Variants in MEGF6 observed in about 807,000 individuals in gnomAD.
MEGF6 encodes the protein multiple EGF like domains 6, also known as multiple epidermal growth factor-like domains protein 6.
In MEGF6, 184 loss-of-function variants were observed where a neutral mutation model predicts 207.1. The observed-to-expected ratio is 0.89, with a 90% CI of 0.79 to 1.00. The LOEUF (loss-of-function observed/expected upper bound fraction) is 1.00. MEGF6 is among the 50% of genes least tolerant of loss of function. The probability of loss-of-function intolerance (pLI) is 0.00; values close to 1 mark genes in which losing one functional copy is unlikely to be tolerated. For synonymous variants in MEGF6, 1,038 were observed against 910.0 expected, an observed-to-expected ratio of 1.14 and a Z score of -2.53; for missense variants, 2,282 against 2,202.9, an observed-to-expected ratio of 1.04 and a Z score of -0.72.
At chr1:3,536,008 G>A (rs1642317181) in intron 4 of MEGF6, among the ~76,000 whole-genome samples, 1 of 152,204 alleles carries the variant, frequency 6.6e-6, no homozygotes, top group Non-Finnish European at 1.5e-5. Context: ...GCATCCCTGG[G>A]GCCTGGACAA....
intron 9 of MEGF6, 33 bp from the exon 10 acceptor site, chr1:3,510,935 C>A: frequency 6.3e-7 from 1 of 1,579,818 alleles, no homozygotes; most frequent in Admixed American, 1.7e-5. Flanking sequence ...CCCCTGGTAC[C>A]AGGCACCTGC....
At chr1:3,575,624 C>CA (rs1184683436) in intron 4 of MEGF6, among the ~76,000 whole-genome samples, 11 of 89,244 alleles carry the variant, frequency 1.2e-4, no homozygotes, top group African/African-American at 2.4e-4. Context: ...CAAGGAGGAG[C>CA]AAGTCACATC....
rs1416375897 is a variant in MEGF6 at position 3,594,936 on chromosome 1, T to C, written c.376+402A>G. ...GGATTGGCCTTGGGAGAACACGGTATAGGGAAACAGGGCAGGGAGAGGGAC... is the reference window on the plus strand; with the variant it reads ...GGATTGGCCTTGGGAGAACACGGTACAGGGAAACAGGGCAGGGAGAGGGAC... On this transcript the variant is annotated intron_variant, in intron 3 of 36. Coordinates refer to ENST00000356575, the MANE Select transcript of MEGF6 (RefSeq NM_001409.4). This position sits in a 1 kb window ranked among gnomAD's most constrained non-coding sequence, Gnocchi z 4.2. 6.6e-6 allele frequency among the ~76,000 whole-genome samples: 1 copy of C among 151,320 alleles called. No individual in the cohort carries two copies. The highest frequency in any genetic ancestry group is 1.5e-5 in the Non-Finnish European group (1 of 67,808).
Position 3,493,797 on chromosome 1 carries a change from C to T in MEGF6, c.4361G>A (p.Gly1454Glu), listed in dbSNP as rs1640476743. The change falls in exon 34 of 37, where the codon GGG (glycine) becomes GAG (glutamate). Residue 1454 changes from glycine to glutamate, a missense_variant. By Grantham distance (98) the Gly-to-Glu change is moderately conservative. Transcript: ENST00000356575. ...PVTGLCLCPP[G>E]RSGATCNLDC... ...CAGGTTACAGGTGGCTCCTGAGCGC[C>T]CTGGTGGGCAAAGGCAGAGACCGGT... 1 of 1,611,892 alleles carries T rather than the reference C, an allele frequency of 6.2e-7. No homozygotes were observed. The highest frequency in any genetic ancestry group is 8.5e-7 in the Non-Finnish European group (1 of 1,179,540).
At chr1:3,531,274 G>T in intron 4 of MEGF6, 1 of 1,330,600 alleles carries the variant, frequency 7.5e-7, no homozygotes, top group Non-Finnish European at 9.6e-7. Flanking sequence ...GCGGGAGGGG[G>T]CGAGGACCAA....
chr1:3,566,607 C>T (rs902449617), intron 4 of MEGF6, among the ~76,000 whole-genome samples: 14 of 152,202 alleles, frequency 9.2e-5, no homozygotes, highest in South Asian at 4.1e-4. Flanking sequence ...ACCAGCCGCT[C>T]GGCCCATCAG....
chr1:3,531,351 G>C (rs1014825721), intron 4 of MEGF6: 8 of 1,192,384 alleles, frequency 6.7e-6, no homozygotes, highest in Non-Finnish European at 8.3e-6. Context: ...CTGGGTTCCG[G>C]GCGGGCGCGC....
At chr1:3,587,903 T>A (rs958827428) in intron 3 of MEGF6, among the ~76,000 whole-genome samples, 6 of 1,694 alleles carry the variant, frequency 3.5e-3, no homozygotes, top group Admixed American at 6.3e-3. Context: ...GGGGCAGGAG[T>A]GGCCAGGAGG....
intron 4 of MEGF6, among the ~76,000 whole-genome samples, chr1:3,536,347 G>A (rs1642328240): frequency 6.6e-6 from 1 of 152,180 alleles, no homozygotes; most frequent in African/African-American, 2.4e-5. Flanking sequence ...GGGGTACGGG[G>A]GCATCGCCCC....
chr1:3,544,058 C>T (rs1007013226), intron 4 of MEGF6, among the ~76,000 whole-genome samples: 13 of 152,200 alleles, frequency 8.5e-5, no homozygotes, highest in African/African-American at 2.9e-4. Flanking sequence ...CCGCACCACT[C>T]GCTGACACAG....
chr1:3,584,199 G>A (rs556940442), intron 3 of MEGF6, among the ~76,000 whole-genome samples: 6 of 152,202 alleles, frequency 3.9e-5, no homozygotes, highest in African/African-American at 7.2e-5. Flanking sequence ...CCTCTTTAAT[G>A]CCCCCCACTT....
chr1:3,595,330 G>A lies in MEGF6; in HGVS notation c.376+8C>T, dbSNP rs765301487. ...GAGGGAGGGCGGGGAGGCGCAGGCG[G>A]CACTCACCCGAGAGGCAGCCCTCCT... On this transcript the variant is annotated splice_region_variant and intron_variant, in intron 3 of 36. Coordinates refer to ENST00000356575, the MANE Select transcript of MEGF6 (RefSeq NM_001409.4). The A allele has an allele frequency of 1.9e-6, 3 of 1,603,542 alleles. No homozygotes were observed. Among genetic ancestry groups the A allele is most frequent in the South Asian group, 2.2e-5 (2 of 90,844 alleles).
chr1:3,594,069 C>A lies in MEGF6; in HGVS notation c.376+1269G>T, dbSNP rs6697749. On this transcript the variant is annotated intron_variant, in intron 3 of 36. Coordinates refer to ENST00000356575, the MANE Select transcript of MEGF6 (RefSeq NM_001409.4). The surrounding 1 kb of genome is among the most constrained non-coding windows in gnomAD (Gnocchi z 4.2). ...CCAGGCAACTACCCGCCATAAGGAC[C>A]CCTAGAGCTGGGTTCTGTTCCTGTC... Among the ~76,000 whole-genome samples the A allele has an allele frequency of 0.23, 34,975 of 152,138 alleles. 4,597 individuals are homozygous for A. The highest frequency in any genetic ancestry group is 0.41 in the East Asian group (2,127 of 5,156).
rs368752188 is a variant in MEGF6, at chr1:3,492,718, G to A, written c.4437C>T (p.Cys1479=). 12 of 1,612,472 alleles carry A rather than the reference G, an allele frequency of 7.4e-6. No individual in the cohort carries two copies. The highest frequency in any genetic ancestry group is 2.2e-5 in the East Asian group (1 of 44,892). The change falls in exon 35 of 37, where the codon TGC becomes TGT. Residue 1479 remains cysteine, a synonymous_variant. Transcript: ENST00000356575. ...FGPSCTLHCD[C]GGGADCDPVS... ...CAGGGTCGCAGTCAGCCCCACCCCC[G>A]CAGTCACAGTGCAGGGTGCAGCTGG...
intron 5 of MEGF6, among the ~76,000 whole-genome samples, chr1:3,517,090 G>A (rs954571212): frequency 2.6e-5 from 4 of 152,222 alleles, no homozygotes; most frequent in South Asian, 2.1e-4. Flanking sequence ...CGCCGGCCCC[G>A]CCTTCCCAGG....
chr1:3,496,905 G>A, intron 28 of MEGF6, 83 bp downstream of exon 28: 2 of 1,526,454 alleles, frequency 1.3e-6, no homozygotes, highest in Non-Finnish European at 8.8e-7. Context: ...TCAGATGAGG[G>A]CCTTCCCGGG....
intron 3 of MEGF6, among the ~76,000 whole-genome samples, 171 bp from the exon 4 acceptor site, chr1:3,580,100 C>T (rs997029569): frequency 1.3e-5 from 2 of 152,118 alleles, no homozygotes; most frequent in African/African-American, 2.4e-5. Context: ...GCTGGCGTGT[C>T]CCCAAACTCC....
At chr1:3,622,515 T>C in the MEGF6 span, among the ~76,000 whole-genome samples, 2 of 152,220 alleles carry the variant, frequency 1.3e-5, no homozygotes, top group Admixed American at 6.5e-5. Context: ...GTGACCTTAT[T>C]TGATCAAACA....
At position 3,492,700 on chromosome 1, in the gene MEGF6, G is replaced by A. The variant is rs781576350; in HGVS notation, c.4455C>T (p.Cys1485=). The part of the protein sequence containing the change: ...LHCDCGGGAD[C]DPVSGQCHCV... ...AGTGACACTGCCCACTGACAGGGTC[G>A]CAGTCAGCCCCACCCCCGCAGTCAC... The change falls in exon 35 of 37, where the codon TGC becomes TGT. Residue 1485 remains cysteine, a synonymous_variant. Transcript: ENST00000356575. 34 of 1,612,630 alleles carry A rather than the reference G, an allele frequency of 2.1e-5. No individual in the cohort carries two copies. In the South Asian group the frequency reaches 3.0e-4, roughly 14 times the overall value.
Sources: allele counts gnomAD v4.1 joint callset (sites outside exome capture counted in the v4.1 genomes callset), GRCh38; gene constraint gnomAD v4.1.1; non-coding constraint Gnocchi (gnomAD v3.1); transcripts MANE v1.5; gene names NCBI Gene and HGNC (gene_info 2026-07-23, HGNC 2026-07-21).